Variants in GABRG3 observed in about 807,000 individuals in gnomAD.
The protein encoded by GABRG3 is gamma-aminobutyric acid type A receptor subunit gamma3, also known as gamma-aminobutyric acid receptor subunit gamma-3.
In GABRG3, 25 loss-of-function variants were observed where a neutral mutation model predicts 48.8. That is an observed-to-expected ratio of 0.51 (90% CI 0.37 to 0.72). The LOEUF (loss-of-function observed/expected upper bound fraction) is 0.72, where lower values mean the gene tolerates loss of function less well. Ranked by LOEUF, GABRG3 falls within the 30% of genes least tolerant of loss-of-function variation. The pLI is 0.00. For missense variants in GABRG3, 394 were observed against 577.9 expected (o/e 0.68, Z 3.26); for synonymous variants, 227 against 217.6 (o/e 1.04, Z -0.38).
At chr15:27,513,545 T>C (rs1206313428) in intron 6 of GABRG3, among the ~76,000 whole-genome samples, 2 of 152,152 alleles carry the variant, frequency 1.3e-5, no homozygotes, top group Non-Finnish European at 2.9e-5. Flanking sequence ...AGAACAGGTT[T>C]AGTAATACCG....
intron 2 of GABRG3, among the ~76,000 whole-genome samples, chr15:27,001,013 T>C (rs1012693093): frequency 3.9e-5 from 6 of 152,172 alleles, no homozygotes; most frequent in Non-Finnish European, 7.3e-5. Flanking sequence ...AGTAGTCTTC[T>C]CACACACATG....
chr15:27,511,903 C>T (rs530669432), intron 6 of GABRG3, among the ~76,000 whole-genome samples: 14 of 152,246 alleles, frequency 9.2e-5, no homozygotes, highest in African/African-American at 2.4e-4. Context: ...AAGTAAGCAA[C>T]GCTGGAGATT....
intron 5 of GABRG3, among the ~76,000 whole-genome samples, chr15:27,440,576 A>T (rs746909678): frequency 1.1e-4 from 16 of 152,272 alleles, no homozygotes; most frequent in African/African-American, 2.9e-4. Flanking sequence ...CTTTGTTCCT[A>T]TAACAGCTAA....
intron 3 of GABRG3, among the ~76,000 whole-genome samples, chr15:27,222,774 C>A (rs577807009): frequency 6.6e-6 from 1 of 152,280 alleles, no homozygotes; most frequent in African/African-American, 2.4e-5. Flanking sequence ...CCAGCCATGG[C>A]GACTGCAGTG....
At chr15:27,206,552 A>G (rs1209574761) in intron 3 of GABRG3, among the ~76,000 whole-genome samples, 2 of 152,108 alleles carry the variant, frequency 1.3e-5, no homozygotes, top group Non-Finnish European at 2.9e-5. Context: ...TATTCTGTAG[A>G]TGTCTTTTAG....
chr15:27,524,743 T>C (rs545692145), intron 7 of GABRG3, among the ~76,000 whole-genome samples: 2 of 151,606 alleles, frequency 1.3e-5, no homozygotes, highest in Admixed American at 6.6e-5. Flanking sequence ...TAAAGCAAAA[T>C]CAAGTTCTAA....
intron 5 of GABRG3, among the ~76,000 whole-genome samples, chr15:27,425,451 A>C (rs1450222301): frequency 2.7e-5 from 4 of 148,640 alleles, no homozygotes; most frequent in Non-Finnish European, 6.0e-5. Context: ...AAAAATACAA[A>C]AAAAAAAAAA....
intron 3 of GABRG3, among the ~76,000 whole-genome samples, chr15:27,167,806 G>A (rs1025633502): frequency 2.0e-5 from 3 of 152,182 alleles, no homozygotes; most frequent in African/African-American, 4.8e-5. Context: ...GCGCTGCATC[G>A]GCTGCCAGGG....
Position 27,444,771 on chromosome 15 carries a change from G to A in GABRG3, c.575-35879G>A, listed in dbSNP as rs541117539. ...GTCAGTTTACTTTCACTCTCTATTG[G>A]GAGTTATACAGTATCTTTTATACTT... On this transcript the variant is annotated intron_variant, in intron 5 of 9. Transcript: ENST00000615808. 3.3e-5 allele frequency among the ~76,000 whole-genome samples: 5 copies of A among 152,106 alleles called. No homozygotes were observed. In the South Asian group the frequency reaches 1.0e-3, roughly 32 times the overall value.
At chr15:26,983,832 ATC>A (rs1258755667) in intron 2 of GABRG3, among the ~76,000 whole-genome samples, 5 of 152,154 alleles carry the variant, frequency 3.3e-5, no homozygotes, top group Admixed American at 1.3e-4. Flanking sequence ...TCAAACTATT[ATC>A]TGTTTCTTTT....
intron 3 of GABRG3, among the ~76,000 whole-genome samples, chr15:27,138,913 C>T (rs1898054881): frequency 6.6e-6 from 1 of 152,018 alleles, no homozygotes; most frequent in African/African-American, 2.4e-5. Flanking sequence ...CATTCATTTT[C>T]TTGAGCATTT....
At chr15:27,231,009 A>ATGTGTGTGTGTGTG (rs3068361) in intron 3 of GABRG3, among the ~76,000 whole-genome samples, 9 of 143,506 alleles carry the variant, frequency 6.3e-5, no homozygotes, top group African/African-American at 1.8e-4. Flanking sequence ...AAACAGTAAA[A>ATGTGTGTGTGTGTG]TGTGTGTGTG....
intron 5 of GABRG3, among the ~76,000 whole-genome samples, chr15:27,346,097 AG>A (rs1566797108): frequency 2.2e-5 from 3 of 135,836 alleles, no homozygotes; most frequent in African/African-American, 8.0e-5. Flanking sequence ...AAAGAAAGAA[AG>A]GAAAGAAAGA....
At chr15:27,166,404 C>A (rs979272670) in intron 3 of GABRG3, among the ~76,000 whole-genome samples, 2 of 152,144 alleles carry the variant, frequency 1.3e-5, no homozygotes, top group Non-Finnish European at 2.9e-5. Context: ...ACATCTTCTT[C>A]TTTGGGTTTT....
rs144671063 is a variant in GABRG3 at position 27,201,396 on chromosome 15, C to CAG, written c.271-125401_271-125400dup. ...TGAGAGAGAAAGAGAGAGAGAACCA[C>CAG]AGAGAGAGAGAGAAGAGAAAGAGAA... On this transcript the variant is annotated intron_variant, in intron 3 of 9. Transcript: ENST00000615808. 1.4e-3 allele frequency among the ~76,000 whole-genome samples: 197 copies of CAG among 145,734 alleles called. 2 individuals carry two copies. Among genetic ancestry groups the CAG allele is most frequent in the African/African-American group, 4.8e-3 (189 of 39,128 alleles).
chr15:27,201,028 C>T (rs1315411576), intron 3 of GABRG3, among the ~76,000 whole-genome samples: 3 of 152,216 alleles, frequency 2.0e-5, no homozygotes, highest in Non-Finnish European at 4.4e-5. Flanking sequence ...GGAATAGTCT[C>T]CATTAATCCG....
intron 5 of GABRG3, among the ~76,000 whole-genome samples, chr15:27,378,905 T>C (rs574378359): frequency 1.3e-5 from 2 of 152,150 alleles, no homozygotes; most frequent in East Asian, 3.9e-4. Context: ...GTGGGTCTTC[T>C]CTGAATGCCC....
At chr15:27,129,712 TG>T (rs1323757822) in intron 3 of GABRG3, among the ~76,000 whole-genome samples, 6 of 142,652 alleles carry the variant, frequency 4.2e-5, no homozygotes, top group East Asian at 2.0e-4. Flanking sequence ...GTTTCTGTTT[TG>T]TTTTTTTTTT....
intron 3 of GABRG3, among the ~76,000 whole-genome samples, chr15:27,095,255 G>GA (rs1897251559): frequency 6.6e-6 from 1 of 152,202 alleles, no homozygotes; most frequent in East Asian, 1.9e-4. Context: ...GTTGAATGAA[G>GA]GCATTTATAT....
Sources: allele counts gnomAD v4.1 joint callset (sites outside exome capture counted in the v4.1 genomes callset), GRCh38; gene constraint gnomAD v4.1.1; transcripts MANE v1.5; gene names NCBI Gene and HGNC (gene_info 2026-07-23, HGNC 2026-07-21).